NEDD4L: variants seen among roughly 807,000 people sequenced by gnomAD.
The protein encoded by NEDD4L is NEDD4 like E3 ubiquitin protein ligase, also known as E3 ubiquitin-protein ligase NEDD4-like.
Under a neutral mutation model 148.9 loss-of-function variants are expected in NEDD4L, and 54 were observed. The ratio of observed to expected loss-of-function variants is 0.36; its 90% CI spans 0.29 to 0.45. The LOEUF (loss-of-function observed/expected upper bound fraction) is 0.45, where lower values mean the gene tolerates loss of function less well. NEDD4L is among the 20% of genes least tolerant of loss of function. The pLI, the probability that NEDD4L is intolerant of heterozygous loss-of-function variation, is 1.00. For missense variants in NEDD4L, 856 were observed against 1,233.8 expected, an observed-to-expected ratio of 0.69 and a Z score of 4.59; for synonymous variants, 433 against 440.7, an observed-to-expected ratio of 0.98 and a Z score of 0.22.
intron 4 of NEDD4L, among the ~76,000 whole-genome samples, chr18:58,250,306 C>T (rs1416569738): frequency 2.6e-5 from 4 of 152,102 alleles, no homozygotes; most frequent in South Asian, 4.2e-4. Flanking sequence ...CGTACCACCA[C>T]GCCTGGCTAA....
chr18:58,261,444 A>T (rs2049366074), intron 5 of NEDD4L, among the ~76,000 whole-genome samples: 1 of 152,240 alleles, frequency 6.6e-6, no homozygotes, highest in South Asian at 2.1e-4. Context: ...TGACTTTAAA[A>T]TGAGGGAGAT....
intron 19 of NEDD4L, among the ~76,000 whole-genome samples, chr18:58,358,973 C>A (rs1468974661): frequency 1.3e-5 from 2 of 152,022 alleles, no homozygotes; most frequent in East Asian, 1.9e-4. Context: ...TCATTGGAAG[C>A]TTGATCACTT....
chr18:58,174,605 C>G (rs1957162981), intron 2 of NEDD4L, among the ~76,000 whole-genome samples: 1 of 152,130 alleles, frequency 6.6e-6, no homozygotes, highest in Non-Finnish European at 1.5e-5. Context: ...CCCCATGTTT[C>G]TTGTACGTAC....
intron 5 of NEDD4L, among the ~76,000 whole-genome samples, chr18:58,269,023 C>A (rs2050648429): frequency 6.6e-6 from 1 of 152,034 alleles, no homozygotes; most frequent in Non-Finnish European, 1.5e-5. Context: ...CTGGCAGAAA[C>A]CTCACTGGGG....
At chr18:58,163,491 T>A (rs2036482372) in intron 1 of NEDD4L, among the ~76,000 whole-genome samples, 1 of 152,228 alleles carries the variant, frequency 6.6e-6, no homozygotes, top group Non-Finnish European at 1.5e-5. Context: ...GTAAGCACTT[T>A]GGGACGCCCT....
intron 2 of NEDD4L, among the ~76,000 whole-genome samples, chr18:58,192,969 A>G (rs990127388): frequency 1.3e-5 from 2 of 152,226 alleles, no homozygotes; most frequent in Non-Finnish European, 2.9e-5. Flanking sequence ...TGATGTGATC[A>G]TGTTCCAACA....
intron 30 of NEDD4L, among the ~76,000 whole-genome samples, chr18:58,392,031 G>A (rs1199112176): frequency 6.6e-6 from 1 of 152,244 alleles, no homozygotes; most frequent in African/African-American, 2.4e-5. Context: ...GTGGTCGGAG[G>A]AGGGTAAGAG....
chr18:58,204,998 A>C (rs1215528456), intron 2 of NEDD4L, among the ~76,000 whole-genome samples: 1 of 152,234 alleles, frequency 6.6e-6, no homozygotes, highest in Non-Finnish European at 1.5e-5. Context: ...AGATCCAGAC[A>C]TCCAGTAGTC....
rs562657018 is a variant in NEDD4L, at chr18:58,164,339, AC to A, written c.49-1448del. On this transcript the variant is annotated intron_variant, in intron 1 of 30. Coordinates refer to ENST00000400345, the MANE Select transcript of NEDD4L (RefSeq NM_001144967.3). ...TGTCTATTAAAGCAATTGATAAGTTACTAAAATGGCACCAAAAGAAATTAGA... is the reference window on the plus strand; with the variant it reads ...TGTCTATTAAAGCAATTGATAAGTTATAAAATGGCACCAAAAGAAATTAGA... Among the ~76,000 whole-genome samples, 151 of 152,356 alleles carry A rather than the reference AC, an allele frequency of 9.9e-4. 5 individuals carry two copies. The South Asian group carries it at 0.029, about 30-fold the overall frequency.
intron 1 of NEDD4L, among the ~76,000 whole-genome samples, chr18:58,072,866 GCGCGCGCACACA>G (rs1324860351): frequency 6.1e-4 from 72 of 118,912 alleles, no homozygotes; most frequent in African/African-American, 2.7e-3. Flanking sequence ...AGGCGCGCGC[GCGCGCGCACACA>G]CACACACACA....
chr18:58,321,482 T>C (rs1354514304), intron 6 of NEDD4L, among the ~76,000 whole-genome samples: 1 of 152,232 alleles, frequency 6.6e-6, no homozygotes. Flanking sequence ...TTAAAGTTGA[T>C]TCAAGGCCAG....
chr18:58,226,625 G>A (rs905031704), intron 2 of NEDD4L, among the ~76,000 whole-genome samples: 47 of 152,216 alleles, frequency 3.1e-4, no homozygotes, highest in African/African-American at 1.1e-3. Context: ...ATGAGTTCCT[G>A]TGTTGTGCCT....
At chr18:58,373,969 C>T (rs987454819) in intron 24 of NEDD4L, among the ~76,000 whole-genome samples, 1 of 152,200 alleles carries the variant, frequency 6.6e-6, no homozygotes, top group African/African-American at 2.4e-5. Context: ...GAGGTGTTCT[C>T]AATGTATTCT....
chr18:58,096,189 C>T (rs1438609201), intron 1 of NEDD4L, among the ~76,000 whole-genome samples: 1 of 151,912 alleles, frequency 6.6e-6, no homozygotes, highest in Non-Finnish European at 1.5e-5. Flanking sequence ...TTCTTCTGTA[C>T]AGGGTACTTT....
At chr18:58,219,426 A>T (rs2043493419) in intron 2 of NEDD4L, among the ~76,000 whole-genome samples, 1 of 152,318 alleles carries the variant, frequency 6.6e-6, no homozygotes, top group Admixed American at 6.5e-5. Context: ...TTCAGAGGGA[A>T]ACAGTGGTGT....
chr18:58,301,573 A>G (rs1447917197), intron 5 of NEDD4L, among the ~76,000 whole-genome samples: 1 of 152,074 alleles, frequency 6.6e-6, no homozygotes, highest in Non-Finnish European at 1.5e-5. Flanking sequence ...AATGCATTGG[A>G]TTATAAACTA....
intron 2 of NEDD4L, among the ~76,000 whole-genome samples, chr18:58,234,134 TTTC>T (rs2045685919): frequency 6.7e-6 from 1 of 148,196 alleles, no homozygotes; most frequent in Non-Finnish European, 1.5e-5. Flanking sequence ...TCTTTTTTTC[TTTC>T]TTTCTCTCTC....
intron 2 of NEDD4L, among the ~76,000 whole-genome samples, chr18:58,220,041 A>T (rs2043568780): frequency 6.6e-6 from 1 of 152,206 alleles, no homozygotes; most frequent in Admixed American, 6.5e-5. Flanking sequence ...CTTGTTCTTA[A>T]ATTTAGTCTA....
In NEDD4L at chr18:58,255,970, C is replaced by T. The variant is rs1600301822; in HGVS notation, c.297+3916C>T. On this transcript the variant is annotated intron_variant, in intron 5 of 30. Coordinates refer to ENST00000400345, the MANE Select transcript of NEDD4L (RefSeq NM_001144967.3). ...GGGCCACGGACGGGTGCGGGCCGCC[C>T]GAGGGCGCCGACGATGGGCCTCCAT... is the stretch of plus-strand genomic sequence containing the variant. 8.1e-6 allele frequency: 10 copies of T among 1,230,804 alleles called. No individual in the cohort carries two copies. The East Asian group carries it at 3.2e-4, about 39-fold the overall frequency. 76.2% of individuals were successfully genotyped at this position (1,230,804 alleles called of 1,614,324 possible). A position where few individuals can be genotyped will look rare whatever the true frequency, so the allele number is the denominator to read the frequency against.
Sources: allele counts gnomAD v4.1 joint callset (sites outside exome capture counted in the v4.1 genomes callset), GRCh38; gene constraint gnomAD v4.1.1; transcripts MANE v1.5; gene names NCBI Gene and HGNC (gene_info 2026-07-23, HGNC 2026-07-21).